The following LRRIQ1 variants were observed in gnomAD, a reference collection of about 807,000 sequenced individuals.
LRRIQ1 encodes leucine rich repeats and IQ motif containing 1.
Under a neutral mutation model 211.9 loss-of-function variants are expected in LRRIQ1, and 210 were observed. That is an observed-to-expected ratio of 0.99 (90% CI 0.89 to 1.11). The LOEUF (loss-of-function observed/expected upper bound fraction) is 1.11. LRRIQ1 is among the 50% of genes most tolerant of loss of function. The pLI, the probability that LRRIQ1 is intolerant of heterozygous loss-of-function variation, is 0.00. For missense variants in LRRIQ1, 2,136 were observed against 1,939.5 expected (o/e 1.10, Z -1.90); for synonymous variants, 699 against 650.1 (o/e 1.08, Z -1.14).
chr12:85,126,537 A>G (rs1435124742), intron 17 of LRRIQ1, among the ~76,000 whole-genome samples: 1 of 152,214 alleles, frequency 6.6e-6, no homozygotes, highest in African/African-American at 2.4e-5. Flanking sequence ...TTATATTTAT[A>G]TCAAAATTTA....
chr12:85,252,412 G>C (rs1214932400), intron 1 of LRRIQ1, among the ~76,000 whole-genome samples: 2 of 151,886 alleles, frequency 1.3e-5, no homozygotes, highest in Non-Finnish European at 2.9e-5. Flanking sequence ...TGAGGAAGAA[G>C]CTAGTTATAG....
At chr12:85,097,996 C>T (rs186143450) in intron 11 of LRRIQ1, among the ~76,000 whole-genome samples, 130 of 152,216 alleles carry the variant, frequency 8.5e-4, no homozygotes, top group Admixed American at 3.7e-3. Context: ...ATTCAAAGTT[C>T]AAAGGCTCTG....
chr12:85,056,594 G>C lies in LRRIQ1; in HGVS notation c.1801G>C (p.Asp601His), dbSNP rs771559624. ...AGAACAGAATGGATTATTATATAAA[G>C]ATAAGGATACTTTAGTTATTTCAGT... ...IQEQNGLLYK[D>H]KDTLVISVKQ... The change falls in exon 8 of 27, where the codon GAT (aspartate) becomes CAT (histidine). Residue 601 changes from aspartate (D) to histidine (H), a missense_variant. By Grantham distance (81) the Asp-to-His change is moderately conservative (BLOSUM62 -1). Transcript: ENST00000393217. 2 of 1,595,728 alleles carry C rather than the reference G, an allele frequency of 1.3e-6. No individual in the cohort carries two copies. Among genetic ancestry groups the C allele is most frequent in the Admixed American group, 3.5e-5 (2 of 57,116 alleles).
chr12:85,044,665 A>G (rs1169134180), intron 3 of LRRIQ1, 53 bp from the exon 4 acceptor site: 3 of 845,806 alleles, frequency 3.5e-6, no homozygotes, highest in Non-Finnish European at 1.9e-6. Context: ...AAATTTTGAG[A>G]TGTTGTATTG....
chr12:85,252,420 T>C (rs536606421), intron 1 of LRRIQ1, among the ~76,000 whole-genome samples: 2 of 152,042 alleles, frequency 1.3e-5, no homozygotes, highest in African/African-American at 2.4e-5. Context: ...AAGCTAGTTA[T>C]AGACCAACAG....
intron 24 of LRRIQ1, among the ~76,000 whole-genome samples, chr12:85,192,808 TTATA>T (rs1165378219): frequency 2.4e-4 from 24 of 98,878 alleles, no homozygotes; most frequent in African/African-American, 1.0e-3. Flanking sequence ...TATACTATAA[TTATA>T]TATAAATATA....
intron 18 of LRRIQ1, among the ~76,000 whole-genome samples, chr12:85,134,805 C>G (rs1889008618): frequency 6.6e-6 from 1 of 151,986 alleles, no homozygotes; most frequent in Non-Finnish European, 1.5e-5. Flanking sequence ...TCCAAGACCC[C>G]ATATACCTAC....
rs1891291975 is a variant in LRRIQ1 at position 85,169,200 on chromosome 12, C to T, written c.4822+8486C>T. ...GATAGTATCAGTAGAAATCTGCCTG[C>T]ATTTGCAAGGAATGAAGGATAAAAT... On this transcript the variant is annotated intron_variant, in intron 24 of 26. Transcript: ENST00000393217. Among the ~76,000 whole-genome samples the T allele has an allele frequency of 3.3e-5, 5 of 152,138 alleles. No individual in the cohort carries two copies. The East Asian group carries it at 5.8e-4, about 18-fold the overall frequency.
rs11837146 is a variant in LRRIQ1, at chr12:85,068,414, A to G, written c.2695+1516A>G. 3.4e-3 allele frequency among the ~76,000 whole-genome samples: 517 copies of G among 152,020 alleles called. 4 individuals carry two copies. The highest frequency in any genetic ancestry group is 0.012 in the African/African-American group (482 of 41,510). On this transcript the variant is annotated intron_variant, in intron 10 of 26. Coordinates refer to ENST00000393217, the MANE Select transcript of LRRIQ1 (RefSeq NM_001079910.2). Reference sequence around the variant, plus strand: ...TCTTTTATTGTGGAAAATTTCAAACATTTATAAATGTACAATAATACATAG... The same window carrying G: ...TCTTTTATTGTGGAAAATTTCAAACGTTTATAAATGTACAATAATACATAG...
intron 24 of LRRIQ1, among the ~76,000 whole-genome samples, chr12:85,198,175 TTATATATA>T (rs1274381300): frequency 7.7e-6 from 1 of 130,242 alleles, no homozygotes; most frequent in Non-Finnish European, 1.5e-5. Context: ...ATATTTATAT[TTATATATA>T]TATATTTTTT....
chr12:85,224,761 G>C (rs955228747), intron 24 of LRRIQ1, among the ~76,000 whole-genome samples: 5 of 151,800 alleles, frequency 3.3e-5, no homozygotes, highest in Non-Finnish European at 7.4e-5. Context: ...GGGAGGGATA[G>C]CATTAGGAGA....
intron 24 of LRRIQ1, among the ~76,000 whole-genome samples, chr12:85,199,029 A>T (rs1893160112): frequency 6.6e-6 from 1 of 152,128 alleles, no homozygotes. Context: ...TTGGAGGCAC[A>T]GTTGGCAAGT....
chr12:85,069,397 A>C (rs1292319000), intron 10 of LRRIQ1, among the ~76,000 whole-genome samples: 2 of 152,060 alleles, frequency 1.3e-5, no homozygotes, highest in Non-Finnish European at 2.9e-5. Flanking sequence ...GCCGCAATAA[A>C]CATACATGTG....
At chr12:85,091,440 A>G (rs919533947) in intron 11 of LRRIQ1, among the ~76,000 whole-genome samples, 3 of 152,050 alleles carry the variant, frequency 2.0e-5, no homozygotes, top group African/African-American at 4.8e-5. Flanking sequence ...CTCCTATTCT[A>G]TAGGTTGTCT....
chr12:85,065,230 A>G (rs1344207120), intron 8 of LRRIQ1, 32 bp from the exon 9 acceptor site: 1 of 1,579,028 alleles, frequency 6.3e-7, no homozygotes, highest in Non-Finnish European at 8.6e-7. Flanking sequence ...GTTAAATAAC[A>G]CTACACACTC....
intron 8 of LRRIQ1, among the ~76,000 whole-genome samples, chr12:85,064,132 T>A (rs1882161165): frequency 6.6e-6 from 1 of 151,880 alleles, no homozygotes; most frequent in African/African-American, 2.4e-5. Flanking sequence ...GCTGTACTAA[T>A]TCACATTCCC....
chr12:85,200,920 A>G (rs1403621603), intron 24 of LRRIQ1, among the ~76,000 whole-genome samples: 1 of 151,896 alleles, frequency 6.6e-6, no homozygotes, highest in Non-Finnish European at 1.5e-5. Context: ...CCTGGGTTCC[A>G]GCGATCTTCA....
chr12:85,253,713 G>GAC (rs1228147198), intron 1 of LRRIQ1, among the ~76,000 whole-genome samples: 4 of 151,692 alleles, frequency 2.6e-5, no homozygotes, highest in African/African-American at 7.3e-5. Context: ...AACACAAATG[G>GAC]ACACACACAC....
At chr12:85,118,538 TTATC>T (rs1887743623) in intron 15 of LRRIQ1, among the ~76,000 whole-genome samples, 1 of 151,178 alleles carries the variant, frequency 6.6e-6, no homozygotes, top group Non-Finnish European at 1.5e-5. Flanking sequence ...GAAAATGTAT[TTATC>T]TATCTCTTGT....
Sources: gnomAD v4.1 joint callset for allele counts (sites outside exome capture counted in the v4.1 genomes callset) on GRCh38, gnomAD v4.1.1 for gene constraint, MANE v1.5 for transcripts, NCBI Gene and HGNC (gene_info 2026-07-23, HGNC 2026-07-21) for gene names.